METTL15: variants seen among roughly 807,000 people sequenced by gnomAD.
METTL15 encodes methyltransferase 15, mitochondrial 12S rRNA N4-cytidine.
A neutral mutation model predicts 38.3 loss-of-function variants in METTL15; 34 were observed. The observed-to-expected ratio is 0.89, with a 90% CI of 0.68 to 1.18. The LOEUF (loss-of-function observed/expected upper bound fraction) is 1.18. Among genes scored for constraint, METTL15 ranks in the 50% most tolerant of loss-of-function variants. The probability of loss-of-function intolerance (pLI) is 0.00; values close to 1 mark genes in which losing one functional copy is unlikely to be tolerated. For synonymous variants in METTL15, 162 were observed against 170.9 expected (o/e 0.95, Z 0.41); for missense variants, 438 against 498.4 (o/e 0.88, Z 1.15).
chr11:28,371,221 G>A (rs1234047156), intron 5 of METTL15, among the ~76,000 whole-genome samples: 18 of 151,934 alleles, frequency 1.2e-4, no homozygotes. Flanking sequence ...AGAAATAGGG[G>A]TCTTGTTTTA....
Position 28,332,545 on chromosome 11 carries a change from G to A in METTL15, c.*1704G>A, listed in dbSNP as rs988554658. 4 of 149,788 alleles carry A rather than the reference G, an allele frequency of 2.7e-5. No individual in the cohort carries two copies. The highest frequency in any genetic ancestry group is 1.0e-4 in the African/African-American group (4 of 39,920). 9.3% of individuals were successfully genotyped at this position (149,788 alleles called of 1,614,324 possible). The stretch of plus-strand genomic sequence containing the variant: ...CCTCTCCAAAATTCATGTACTTCCT[G>A]GAGCCTCAGTATGTGACCTTATTTG... On this transcript the variant is annotated 3_prime_UTR_variant, in exon 7 of 7. Coordinates refer to ENST00000407364, the MANE Select transcript of METTL15 (RefSeq NM_001113528.2).
intron 3 of METTL15, among the ~76,000 whole-genome samples, chr11:28,203,095 G>A (rs1299623970): frequency 5.3e-5 from 8 of 152,044 alleles, no homozygotes. Context: ...AATTTGAAAG[G>A]TATGAAAGTA....
chr11:28,413,827 A>G (rs1229826486), intron 5 of METTL15, among the ~76,000 whole-genome samples: 1 of 151,982 alleles, frequency 6.6e-6, no homozygotes, highest in Non-Finnish European at 1.5e-5. Context: ...AAAGAAAGAT[A>G]GTCAAATCTC....
chr11:28,424,029 CAAAA>C (rs1259448485), intron 5 of METTL15, among the ~76,000 whole-genome samples: 1 of 151,816 alleles, frequency 6.6e-6, no homozygotes, highest in Non-Finnish European at 1.5e-5. Context: ...AAGAAACAAA[CAAAA>C]AACTTCCATA....
chr11:28,160,050 G>A (rs1400605569), intron 3 of METTL15, among the ~76,000 whole-genome samples: 1 of 152,030 alleles, frequency 6.6e-6, no homozygotes, highest in African/African-American at 2.4e-5. Flanking sequence ...CTCATCAGCT[G>A]CCAGCATGGC....
At chr11:28,529,424 T>G (rs1417940809), downstream of METTL15, among the ~76,000 whole-genome samples, 1 of 151,988 alleles carries the variant, frequency 6.6e-6, no homozygotes, top group African/African-American at 2.4e-5. Context: ...AAAATCAATT[T>G]CTTGTTATTC....
intron 6 of METTL15, among the ~76,000 whole-genome samples, chr11:28,451,779 C>T (rs962698514): frequency 9.2e-5 from 14 of 152,194 alleles, no homozygotes; most frequent in Non-Finnish European, 1.9e-4. Context: ...TAGCCAAGAT[C>T]CCTTCATTCT....
At chr11:28,127,429 TC>T (rs35749321) in intron 3 of METTL15, among the ~76,000 whole-genome samples, 13,346 of 152,162 alleles carry the variant, frequency 0.088, 1,049 homozygotes, top group East Asian at 0.36. Flanking sequence ...TGCCCACAGA[TC>T]CAGTATCTGT....
chr11:28,497,945 T>C (rs1435559340), intron 6 of METTL15, among the ~76,000 whole-genome samples: 4 of 151,712 alleles, frequency 2.6e-5, no homozygotes, highest in Non-Finnish European at 4.4e-5. Context: ...TTCCAGCTAC[T>C]TGGGAAGCTG....
At chr11:28,513,552 G>GAC (rs1380301284) in intron 6 of METTL15, among the ~76,000 whole-genome samples, 2 of 152,172 alleles carry the variant, frequency 1.3e-5, no homozygotes, top group Non-Finnish European at 2.9e-5. Context: ...AGGAATTAAA[G>GAC]ACACACACAC....
intron 3 of METTL15, among the ~76,000 whole-genome samples, chr11:28,342,984 T>G (rs1271077539): frequency 9.2e-5 from 14 of 152,312 alleles, no homozygotes; most frequent in Admixed American, 8.5e-4. Context: ...CAGTGCTGAT[T>G]GGTAAGAAAA....
intron 6 of METTL15, among the ~76,000 whole-genome samples, chr11:28,303,927 ATTTG>A (rs989697611): frequency 1.3e-4 from 20 of 152,076 alleles, no homozygotes; most frequent in Non-Finnish European, 2.4e-4. Flanking sequence ...TGTGCCACTT[ATTTG>A]TTCTGTGAAC....
chr11:28,506,192 T>C (rs765424887), intron 6 of METTL15, among the ~76,000 whole-genome samples: 1 of 152,214 alleles, frequency 6.6e-6, no homozygotes, highest in Non-Finnish European at 1.5e-5. Flanking sequence ...GTAGGGTCTC[T>C]CTCCCTGGGA....
intron 4 of METTL15, among the ~76,000 whole-genome samples, chr11:28,289,039 C>T (rs564310529): frequency 6.6e-6 from 1 of 152,192 alleles, no homozygotes; most frequent in Non-Finnish European, 1.5e-5. Context: ...GTGATAGTAA[C>T]AATTGACTTG....
At chr11:28,445,301 A>G (rs960076929) in intron 6 of METTL15, among the ~76,000 whole-genome samples, 1 of 152,262 alleles carries the variant, frequency 6.6e-6, no homozygotes, top group East Asian at 1.9e-4. Flanking sequence ...CAGATTAACC[A>G]GTTTTAAACA....
At chr11:28,223,395 T>G (rs765300842) in intron 4 of METTL15, among the ~76,000 whole-genome samples, 7 of 152,050 alleles carry the variant, frequency 4.6e-5, no homozygotes, top group Admixed American at 1.3e-4. Context: ...CACAAATTTG[T>G]GTTTGGGAGT....
chr11:28,477,050 A>G (rs1351170175), intron 6 of METTL15, among the ~76,000 whole-genome samples: 2 of 152,218 alleles, frequency 1.3e-5, no homozygotes, highest in Non-Finnish European at 2.9e-5. Context: ...AGAGGGTAGC[A>G]TAGTGCTTAG....
rs1028998145 is a variant in METTL15 at position 28,220,184 on chromosome 11, G to T, written c.407+8986G>T. Among the ~76,000 whole-genome samples the T allele has an allele frequency of 3.3e-5, 5 of 152,116 alleles. No homozygotes were observed. In the South Asian group the frequency reaches 1.0e-3, roughly 32 times the overall value. ...GGTGTTAAAGTCTGCCATTATTGTT[G>T]TGTGGGAATCGAAGTCTCTTTGTAG... On this transcript the variant is annotated intron_variant, in intron 4 of 6. Transcript: ENST00000407364.
chr11:28,128,388 T>C (rs1188114105), intron 3 of METTL15, among the ~76,000 whole-genome samples: 3 of 152,092 alleles, frequency 2.0e-5, no homozygotes, highest in East Asian at 1.9e-4. Flanking sequence ...ATGCTAGAAA[T>C]TGAAAATAGT....
Sources: gnomAD v4.1 joint callset for allele counts (sites outside exome capture counted in the v4.1 genomes callset) on GRCh38, gnomAD v4.1.1 for gene constraint, MANE v1.5 for transcripts, NCBI Gene and HGNC (gene_info 2026-07-23, HGNC 2026-07-21) for gene names.